Variants in SARS2 observed in about 807,000 individuals in gnomAD.
The protein encoded by SARS2 is serine--tRNA ligase, mitochondrial.
Under a neutral mutation model 66.8 loss-of-function variants are expected in SARS2, and 52 were observed. That is an observed-to-expected ratio of 0.78 (90% CI 0.62 to 0.98). The LOEUF is 0.98. SARS2 is among the 50% of genes least tolerant of loss of function. The pLI is 0.00. For missense variants in SARS2, 673 were observed against 706.3 expected (o/e 0.95, Z 0.53); for synonymous variants, 306 against 281.4 (o/e 1.09, Z -0.87).
chr19:38,924,982 C>T (rs931376743), intron 2 of SARS2, among the ~76,000 whole-genome samples: 5 of 152,164 alleles, frequency 3.3e-5, no homozygotes, highest in Non-Finnish European at 7.3e-5. Flanking sequence ...TGTTTTTAAG[C>T]CGTCTGTGGC....
intron 3 of SARS2, 81 bp downstream of exon 3, chr19:38,922,157 T>C (rs925210417): frequency 1.3e-5 from 21 of 1,601,524 alleles, no homozygotes; most frequent in Admixed American, 1.7e-5. Context: ...TGTTTTCTGT[T>C]ACAATAGTAG....
intron 2 of SARS2, 25 bp downstream of exon 2, chr19:38,926,180 C>A (rs754066618): frequency 6.3e-6 from 10 of 1,591,074 alleles, no homozygotes; most frequent in Non-Finnish European, 8.6e-6. Flanking sequence ...GGCCACTCCC[C>A]ACCTACTCAG....
intron 2 of SARS2, among the ~76,000 whole-genome samples, chr19:38,923,150 C>A (rs568274672): frequency 1.9e-4 from 28 of 151,096 alleles, no homozygotes; most frequent in African/African-American, 6.3e-4. Flanking sequence ...TGTGATCCAC[C>A]TGCCTTGGTC....
intron 3 of SARS2, 76 bp from the exon 4 acceptor site, chr19:38,921,743 G>A (rs528640472): frequency 3.8e-5 from 60 of 1,576,058 alleles, no homozygotes; most frequent in African/African-American, 2.7e-4. Flanking sequence ...GATCCTGACC[G>A]GCAGAGCCCC....
intron 1 of SARS2, among the ~76,000 whole-genome samples, chr19:38,928,547 G>A (rs149763368): frequency 6.6e-6 from 1 of 152,194 alleles, no homozygotes; most frequent in Non-Finnish European, 1.5e-5. Context: ...AATTTTGGGT[G>A]TGTGTACTGG....
chr19:38,923,060 C>G (rs886963309), intron 2 of SARS2, among the ~76,000 whole-genome samples: 1 of 97,810 alleles, frequency 1.0e-5, no homozygotes, highest in South Asian at 3.5e-4. Flanking sequence ...CCCGCCACCA[C>G]GATCGGCTAA....
chr19:38,927,851 G>A (rs1206277414), intron 1 of SARS2, among the ~76,000 whole-genome samples: 1 of 151,778 alleles, frequency 6.6e-6, no homozygotes, highest in Non-Finnish European at 1.5e-5. Context: ...TGGCCAAGAT[G>A]GTGAAACCCT....
At chr19:38,928,899 G>T (rs1387302844) in intron 1 of SARS2, among the ~76,000 whole-genome samples, 1 of 152,152 alleles carries the variant, frequency 6.6e-6, no homozygotes, top group African/African-American at 2.4e-5. Context: ...ATTGTAATTA[G>T]TATATATGTA....
Position 38,926,259 on chromosome 19 carries a change from G to T in SARS2, c.309C>A (p.Ile103=). 1 of 1,606,016 alleles carries T rather than the reference G, an allele frequency of 6.2e-7. No individual in the cohort carries two copies. The change falls in exon 2 of 16, where the codon ATC becomes ATA. Residue 103 remains isoleucine, a synonymous_variant. Transcript: ENST00000221431. ...CTGCCTTCTCTTCCTCCAGGCTCCG[G>T]ATCTGCTCCTGCAGCTGCCTCAGCT... ...WQELRQLQEQ[I]RSLEEEKAAV...
intron 1 of SARS2, among the ~76,000 whole-genome samples, chr19:38,929,209 T>A (rs1395428326): frequency 1.3e-5 from 2 of 150,760 alleles, no homozygotes; most frequent in Non-Finnish European, 1.5e-5. Context: ...AAAAAAAAAA[T>A]GTCTTTTACT....
intron 15 of SARS2, 27 bp downstream of exon 15, chr19:38,915,814 C>A (rs1415241790): frequency 6.2e-7 from 1 of 1,613,242 alleles, no homozygotes; most frequent in African/African-American, 1.3e-5. Context: ...TGAGCTGCCT[C>A]TCTGGGTGGG....
Position 38,915,610 on chromosome 19 carries a change from C to G in SARS2, c.1553G>C (p.Ser518Thr), listed in dbSNP as rs1161501882. The G allele has an allele frequency of 6.2e-7, 1 of 1,612,128 alleles. No homozygotes were observed. The highest frequency in any genetic ancestry group is 2.2e-5 in the East Asian group (1 of 44,874). Residue 518 changes from serine to threonine, a missense_variant, in exon 16 of 16, where the codon AGC becomes ACC. Ser to Thr is a moderately conservative substitution (Grantham distance 58). Transcript: ENST00000221431. ...KPGLPGQPAVS is the reference protein window; with the variant it reads ...KPGLPGQPAVT ...AGGGCTGCTGTGGGTGGGTTCTTAG[C>G]TTACAGCAGGCTGGCCAGGCAGCCC...
chr19:38,922,066 G>T (rs1333141721), intron 3 of SARS2, 172 bp downstream of exon 3: 1 of 1,571,104 alleles, frequency 6.4e-7, no homozygotes, highest in Non-Finnish European at 8.6e-7. Flanking sequence ...CCAGCACCTG[G>T]ATCCAGCCGC....
At chr19:38,926,649 G>A (rs1285862759) in intron 1 of SARS2, among the ~76,000 whole-genome samples, 1 of 152,150 alleles carries the variant, frequency 6.6e-6, no homozygotes, top group African/African-American at 2.4e-5. Context: ...ACCCAGGTGT[G>A]ATGGCAGGCA....
rs863224196 is a variant in SARS2 at position 38,920,105 on chromosome 19, G to A, written c.634C>T (p.Leu212Phe). 6.4e-7 allele frequency: 1 copy of A among 1,561,756 alleles called. No homozygotes were observed. The highest frequency in any genetic ancestry group is 1.2e-5 in the South Asian group (1 of 84,688). Residue 212 changes from leucine to phenylalanine, a missense_variant, in exon 6 of 16, where the codon CTC becomes TTC. Leu to Phe is a conservative substitution (Grantham distance 22). Coordinates refer to ENST00000221431, the MANE Select transcript of SARS2 (RefSeq NM_017827.4). The part of the protein sequence containing the change: ...PRGHLEIGEK[L>F]DIIRQKRLSH... ...GCTCACTTCTGACGGATGATGTCGAGTTTCTCGCCAATTTCCAGGTGGCCC... is the reference window on the plus strand; with the variant it reads ...GCTCACTTCTGACGGATGATGTCGAATTTCTCGCCAATTTCCAGGTGGCCC...
At chr19:38,923,851 G>A (rs1025460659) in intron 2 of SARS2, among the ~76,000 whole-genome samples, 14 of 152,148 alleles carry the variant, frequency 9.2e-5, no homozygotes, top group Non-Finnish European at 7.3e-5. Flanking sequence ...GCGGGCGCCT[G>A]TAGTCCCAGC....
At chr19:38,916,926 G>C (rs956104130) in intron 12 of SARS2, among the ~76,000 whole-genome samples, 1 of 151,474 alleles carries the variant, frequency 6.6e-6, no homozygotes, top group Non-Finnish European at 1.5e-5. Context: ...GCCTCCCAAA[G>C]TGCTGGGATT....
Position 38,915,418 on chromosome 19 carries a change from G to A in SARS2, c.*188C>T, listed in dbSNP as rs1974390761. Reference sequence around the variant, plus strand: ...CACTGGGACCCTCAATGATAACAGGGTCAGTGACTGACTCTGAGGCAGCAA... The same window carrying A: ...CACTGGGACCCTCAATGATAACAGGATCAGTGACTGACTCTGAGGCAGCAA... On this transcript the variant is annotated 3_prime_UTR_variant, in exon 16 of 16. Transcript: ENST00000221431. The A allele has an allele frequency of 1.6e-6, 1 of 629,844 alleles. No homozygotes were observed. The allele number at this position is 629,844 out of a possible 1,614,324, so 39.0% of individuals were successfully genotyped here. A position where few individuals can be genotyped will look rare whatever the true frequency, so the allele number is the denominator to read the frequency against.
intron 1 of SARS2, among the ~76,000 whole-genome samples, chr19:38,927,250 C>CT (rs905675505): frequency 6.6e-6 from 1 of 152,036 alleles, no homozygotes; most frequent in African/African-American, 2.4e-5. Flanking sequence ...TACAAAAAAA[C>CT]TTTAAAAAAA....
Sources: allele counts gnomAD v4.1 joint callset (sites outside exome capture counted in the v4.1 genomes callset), GRCh38; gene constraint gnomAD v4.1.1; transcripts MANE v1.5; gene names NCBI Gene and HGNC (gene_info 2026-07-23, HGNC 2026-07-21).